Variants in JDP2 observed in about 807,000 individuals in gnomAD.
JDP2 encodes the protein Jun dimerization protein 2, also known as progesterone receptor co-activator.
A neutral mutation model predicts 17.1 loss-of-function variants in JDP2; 9 were observed. The ratio of observed to expected loss-of-function variants is 0.53; its 90% CI spans 0.32 to 0.92. The LOEUF (loss-of-function observed/expected upper bound fraction) is 0.92, where lower values mean the gene tolerates loss of function less well. Among genes scored for constraint, JDP2 ranks in the 40% least tolerant of loss-of-function variants. The probability of loss-of-function intolerance (pLI) is 0.04; values close to 1 mark genes in which losing one functional copy is unlikely to be tolerated. For synonymous variants in JDP2, 107 were observed against 95.6 expected (o/e 1.12, Z -0.69); for missense variants, 179 against 220.0 (o/e 0.81, Z 1.18).
chr14:75,466,549 A>G (rs1432310468), intron 3 of JDP2, among the ~76,000 whole-genome samples: 2 of 152,246 alleles, frequency 1.3e-5, no homozygotes, highest in Non-Finnish European at 1.5e-5. Flanking sequence ...TGTTCTTTGT[A>G]TGATAGCTGC....
chr14:75,454,391 A>T (rs1886008696), intron 2 of JDP2, among the ~76,000 whole-genome samples: 1 of 152,168 alleles, frequency 6.6e-6, no homozygotes, highest in Non-Finnish European at 1.5e-5. Context: ...TGATGTTCTT[A>T]GTTTCCTCAT....
chr14:75,465,817 C>A (rs998512031), intron 3 of JDP2, among the ~76,000 whole-genome samples: 5 of 152,168 alleles, frequency 3.3e-5, no homozygotes, highest in African/African-American at 1.2e-4. Context: ...GGAGGCAGAA[C>A]CTTAATATGC....
At chr14:75,439,368 C>T (rs527449633) in intron 2 of JDP2, among the ~76,000 whole-genome samples, 1 of 152,214 alleles carries the variant, frequency 6.6e-6, no homozygotes, top group Non-Finnish European at 1.5e-5. Context: ...AACGCGAACC[C>T]CCATTTCATT....
intron 2 of JDP2, among the ~76,000 whole-genome samples, chr14:75,442,780 G>C (rs984926054): frequency 1.3e-5 from 2 of 152,180 alleles, no homozygotes; most frequent in African/African-American, 2.4e-5. Context: ...TGAGGGTAGA[G>C]TCCTGGGAAG....
intron 2 of JDP2, among the ~76,000 whole-genome samples, chr14:75,440,096 A>G (rs1885267472): frequency 6.6e-6 from 1 of 152,204 alleles, no homozygotes; most frequent in South Asian, 2.1e-4. Flanking sequence ...GCCACCCCCA[A>G]ATTGGTGGCA....
chr14:75,450,557 C>T (rs1037443868), intron 2 of JDP2, among the ~76,000 whole-genome samples: 1 of 152,354 alleles, frequency 6.6e-6, no homozygotes, highest in East Asian at 1.9e-4. Context: ...TGTTCAGAGC[C>T]TTCACCTGGT....
chr14:75,452,668 C>T (rs1885915497), intron 2 of JDP2, among the ~76,000 whole-genome samples: 1 of 152,296 alleles, frequency 6.6e-6, no homozygotes, highest in Admixed American at 6.5e-5. Context: ...TTCTTGAAAA[C>T]TTGGAAGAAT....
chr14:75,453,495 C>T (rs1009362952), intron 2 of JDP2, among the ~76,000 whole-genome samples: 7 of 152,340 alleles, frequency 4.6e-5, no homozygotes, highest in Non-Finnish European at 8.8e-5. Context: ...GCCAGTGTGC[C>T]GCTGCTGCAA....
At chr14:75,432,435 C>G (rs970602836) in intron 1 of JDP2, 24 of 1,208,458 alleles carry the variant, frequency 2.0e-5, no homozygotes, top group Non-Finnish European at 2.7e-5. Context: ...TTCCCAGGCT[C>G]TGGCTCCCAA....
upstream of JDP2, chr14:75,427,918 C>G (rs1056789683): frequency 5.0e-4 from 76 of 152,370 alleles, no homozygotes; most frequent in African/African-American, 1.8e-3. This position sits in a 1 kb window ranked among gnomAD's most constrained non-coding sequence, Gnocchi z 4.4. Flanking sequence ...TCCTCTCCGT[C>G]CCCCTCTGAC....
At chr14:75,452,305 G>A (rs1336818867) in intron 2 of JDP2, among the ~76,000 whole-genome samples, 6 of 152,152 alleles carry the variant, frequency 3.9e-5, no homozygotes, top group African/African-American at 9.7e-5. Flanking sequence ...ACTCCACCTC[G>A]CTGAGCCTCA....
chr14:75,441,718 T>C (rs1885361500), intron 2 of JDP2, among the ~76,000 whole-genome samples: 1 of 152,218 alleles, frequency 6.6e-6, no homozygotes, highest in Non-Finnish European at 1.5e-5. Flanking sequence ...TTCTTTCTCC[T>C]TTCTTTTCTA....
At chr14:75,456,821 C>G (rs1047524988) in intron 2 of JDP2, among the ~76,000 whole-genome samples, 1 of 152,212 alleles carries the variant, frequency 6.6e-6, no homozygotes, top group Non-Finnish European at 1.5e-5. Flanking sequence ...GCCATTCATG[C>G]CTCGTCCAGT....
At chr14:75,453,591 A>C (rs1227116504) in intron 2 of JDP2, among the ~76,000 whole-genome samples, 3 of 152,170 alleles carry the variant, frequency 2.0e-5, no homozygotes, top group African/African-American at 7.2e-5. Flanking sequence ...CTGGGCTGGA[A>C]CTCAGTCCTC....
chr14:75,439,524 A>C (rs1885237011), intron 2 of JDP2, among the ~76,000 whole-genome samples: 1 of 152,134 alleles, frequency 6.6e-6, no homozygotes, highest in Admixed American at 6.5e-5. Flanking sequence ...GTTATTCGTG[A>C]TCCTACTTAC....
In JDP2 at chr14:75,473,592, C is replaced by T. The variant is rs143125604; in HGVS notation, c.*4117C>T. 2.0e-5 allele frequency: 3 copies of T among 152,178 alleles called. No individual in the cohort carries two copies. Among genetic ancestry groups the T allele is most frequent in the African/African-American group, 4.8e-5 (2 of 41,526 alleles). 9.4% of individuals were successfully genotyped at this position (152,178 alleles called of 1,614,324 possible). A position where few individuals can be genotyped will look rare whatever the true frequency, so the allele number is the denominator to read the frequency against. On this transcript the variant is annotated 3_prime_UTR_variant, in exon 4 of 4. Transcript: ENST00000651602. ...ACCTAAATGATGATCAGCATAAGAA[C>T]AAATAAATTGTGGTATTTTCCTAAA... is the stretch of plus-strand genomic sequence containing the variant.
intron 1 of JDP2, chr14:75,432,453 C>T: frequency 1.0e-6 from 1 of 979,060 alleles, no homozygotes; most frequent in Non-Finnish European, 1.5e-6. Context: ...CAAGGTCCCC[C>T]ACTTCTCTTG....
chr14:75,467,979 G>A (rs1264727331), intron 3 of JDP2, among the ~76,000 whole-genome samples: 2 of 152,126 alleles, frequency 1.3e-5, no homozygotes, highest in East Asian at 1.9e-4. Context: ...GGAACAGTTC[G>A]GTCAGACCAG....
At chr14:75,463,452 C>T (rs1289770244) in intron 3 of JDP2, among the ~76,000 whole-genome samples, 5 of 151,830 alleles carry the variant, frequency 3.3e-5, no homozygotes, top group Admixed American at 2.6e-4. Flanking sequence ...GGCAGGCAGG[C>T]GGTGTCGGCA....
Sources: gnomAD v4.1 joint callset for allele counts (sites outside exome capture counted in the v4.1 genomes callset) on GRCh38, gnomAD v4.1.1 for gene constraint, Gnocchi (gnomAD v3.1) non-coding constraint, MANE v1.5 for transcripts, NCBI Gene and HGNC (gene_info 2026-07-23, HGNC 2026-07-21) for gene names.